AUH: variants seen among roughly 807,000 people sequenced by gnomAD.
AUH encodes the protein methylglutaconyl-CoA hydratase, mitochondrial.
A neutral mutation model predicts 42.3 loss-of-function variants in AUH; 29 were observed. That is an observed-to-expected ratio of 0.69 (90% CI 0.51 to 0.93). The LOEUF (loss-of-function observed/expected upper bound fraction) is 0.93. Among genes scored for constraint, AUH ranks in the 40% least tolerant of loss-of-function variants. AUH has a pLI of 0.00. For synonymous variants in AUH, 174 were observed against 166.4 expected (o/e 1.05, Z -0.35); for missense variants, 452 against 438.1 (o/e 1.03, Z -0.28).
intron 3 of AUH, among the ~76,000 whole-genome samples, chr9:91,328,846 G>A (rs559222694): frequency 6.6e-6 from 1 of 152,260 alleles, no homozygotes; most frequent in Non-Finnish European, 1.5e-5. Context: ...TAAATTTACA[G>A]AGTTGTACAA....
At chr9:91,295,616 G>A (rs1827263215) in intron 6 of AUH, among the ~76,000 whole-genome samples, 1 of 152,124 alleles carries the variant, frequency 6.6e-6, no homozygotes, top group Non-Finnish European at 1.5e-5. Context: ...CAACATCAAG[G>A]CAAAACCCTC....
At chr9:91,250,434 T>G (rs1470610938) in intron 6 of AUH, among the ~76,000 whole-genome samples, 1 of 152,236 alleles carries the variant, frequency 6.6e-6, no homozygotes, top group Non-Finnish European at 1.5e-5. Flanking sequence ...GAGGATCAGT[T>G]ACAGCAGGAG....
At chr9:91,285,288 C>T (rs1826309142) in intron 6 of AUH, among the ~76,000 whole-genome samples, 1 of 146,216 alleles carries the variant, frequency 6.8e-6, no homozygotes. Flanking sequence ...GGAAGGGGAA[C>T]ATCACACACT....
intron 6 of AUH, among the ~76,000 whole-genome samples, chr9:91,281,098 T>TC (rs1564060847): frequency 6.6e-6 from 1 of 152,104 alleles, no homozygotes; most frequent in East Asian, 1.9e-4. Flanking sequence ...TTTGATTTTT[T>TC]CCCCCCTGAA....
At chr9:91,309,510 G>C (rs1828533837) in intron 4 of AUH, among the ~76,000 whole-genome samples, 1 of 152,080 alleles carries the variant, frequency 6.6e-6, no homozygotes, top group Admixed American at 6.5e-5. Flanking sequence ...CACGTCTTTT[G>C]CTGCCCCATG....
chr9:91,332,612 C>T (rs1830411252), intron 3 of AUH, among the ~76,000 whole-genome samples: 1 of 152,180 alleles, frequency 6.6e-6, no homozygotes, highest in Non-Finnish European at 1.5e-5. Flanking sequence ...ATGGTTGCGG[C>T]TTGTGCCATA....
intron 6 of AUH, among the ~76,000 whole-genome samples, chr9:91,257,438 G>C (rs76726883): frequency 6.6e-6 from 1 of 152,086 alleles, no homozygotes; most frequent in Non-Finnish European, 1.5e-5. Context: ...GCAGCAGTGC[G>C]AGGAGCCTCT....
At position 91,217,314 on chromosome 9, in the gene AUH, A is replaced by G. The variant is rs189293998; in HGVS notation, c.857T>C (p.Met286Thr). The change falls in exon 8 of 10, where the codon ATG (methionine) becomes ACG (threonine). Residue 286 changes from methionine to threonine, a missense_variant. Transcript: ENST00000375731. Reference sequence around the variant, plus strand: ...ATTAATTGCTAATTTTGCCACTCTCATTGCAACAGGTCCCTAAAATTCAAA... The same window carrying G: ...ATTAATTGCTAATTTTGCCACTCTCGTTGCAACAGGTCCCTAAAATTCAAA... The part of the protein sequence containing the change: ...REFLPQGPVA[M>T]RVAKLAINQG... 6.2e-7 allele frequency: 1 copy of G among 1,613,770 alleles called. No homozygotes were observed. Among genetic ancestry groups the G allele is most frequent in the Admixed American group, 1.7e-5 (1 of 60,026 alleles).
chr9:91,334,708 T>C (rs572141437), intron 3 of AUH, among the ~76,000 whole-genome samples: 83 of 152,288 alleles, frequency 5.5e-4, no homozygotes, highest in African/African-American at 1.9e-3. Flanking sequence ...GAATGAGAAA[T>C]GGTAATTTTA....
At chr9:91,304,700 A>G (rs2131710649) in intron 4 of AUH, among the ~76,000 whole-genome samples, 1 of 152,376 alleles carries the variant, frequency 6.6e-6, no homozygotes, top group South Asian at 2.1e-4. Context: ...TAAATTATTA[A>G]TTAACAAATT....
intron 6 of AUH, among the ~76,000 whole-genome samples, chr9:91,287,997 A>G (rs1322803509): frequency 6.6e-6 from 1 of 152,048 alleles, no homozygotes; most frequent in African/African-American, 2.4e-5. Context: ...GGGTATAAAA[A>G]TGTGTGTTTT....
At chr9:91,353,337 C>G (rs1444359574) in intron 3 of AUH, among the ~76,000 whole-genome samples, 1 of 152,052 alleles carries the variant, frequency 6.6e-6, no homozygotes, top group African/African-American at 2.4e-5. Context: ...CCACCCACCT[C>G]GACTTCCAAA....
intron 3 of AUH, among the ~76,000 whole-genome samples, chr9:91,331,559 CTT>C (rs1433425889): frequency 6.6e-6 from 1 of 152,160 alleles, no homozygotes; most frequent in Non-Finnish European, 1.5e-5. Context: ...ACTGCAAACT[CTT>C]TTCATTTAAA....
chr9:91,230,374 G>A (rs1282308768), intron 6 of AUH, among the ~76,000 whole-genome samples: 6 of 151,478 alleles, frequency 4.0e-5, no homozygotes, highest in Admixed American at 3.9e-4. Context: ...CATTCTTCAC[G>A]TAGTTCTCGA....
intron 6 of AUH, among the ~76,000 whole-genome samples, chr9:91,282,689 T>C (rs1262327496): frequency 6.6e-6 from 1 of 152,080 alleles, no homozygotes; most frequent in Non-Finnish European, 1.5e-5. Context: ...AACACCTCTA[T>C]GCAAATAAAC....
chr9:91,342,336 G>A lies in AUH; in HGVS notation c.418+13547C>T, dbSNP rs181322251. Among the ~76,000 whole-genome samples, 120 of 152,142 alleles carry A rather than the reference G, an allele frequency of 7.9e-4. 2 individuals carry two copies. Among genetic ancestry groups the A allele is most frequent in the Non-Finnish European group, 6.2e-4 (42 of 68,006 alleles). On this transcript the variant is annotated intron_variant, in intron 3 of 9. Coordinates refer to ENST00000375731, the MANE Select transcript of AUH (RefSeq NM_001698.3). The stretch of plus-strand genomic sequence containing the variant: ...GTATGAACCCTTGTCTTTACATTGG[G>A]CCCAGTGGATACATCAGGAAAATCT...
chr9:91,277,284 GAAT>G (rs1482616728), intron 6 of AUH, among the ~76,000 whole-genome samples: 2 of 152,124 alleles, frequency 1.3e-5, no homozygotes, highest in Non-Finnish European at 2.9e-5. Context: ...TAGCATGAAA[GAAT>G]AATATACCAC....
At chr9:91,265,448 T>A (rs1002825339) in intron 6 of AUH, among the ~76,000 whole-genome samples, 2 of 152,202 alleles carry the variant, frequency 1.3e-5, no homozygotes, top group African/African-American at 4.8e-5. Flanking sequence ...CTCAGTTGTT[T>A]TTCTTTCACA....
intron 7 of AUH, among the ~76,000 whole-genome samples, chr9:91,220,236 A>G (rs1827054948): frequency 6.6e-6 from 1 of 152,212 alleles, no homozygotes; most frequent in South Asian, 2.1e-4. Flanking sequence ...TTGAAAGTGT[A>G]GTTGTGAGGA....
Sources: allele counts gnomAD v4.1 joint callset (sites outside exome capture counted in the v4.1 genomes callset), GRCh38; gene constraint gnomAD v4.1.1; transcripts MANE v1.5; gene names NCBI Gene and HGNC (gene_info 2026-07-23, HGNC 2026-07-21).